HIF1AN: variants seen among roughly 807,000 people sequenced by gnomAD.
The protein encoded by HIF1AN is hypoxia inducible factor 1 subunit alpha inhibitor.
In HIF1AN, 21 loss-of-function variants were observed where a neutral mutation model predicts 47.7. The observed-to-expected ratio is 0.44, with a 90% confidence interval of 0.31 to 0.63. The LOEUF is 0.63. Among genes scored for constraint, HIF1AN ranks in the 30% least tolerant of loss-of-function variants. The pLI is 0.07. For synonymous variants in HIF1AN, 152 were observed against 155.9 expected, an observed-to-expected ratio of 0.98 and a Z score of 0.18; for missense variants, 320 against 432.7, an observed-to-expected ratio of 0.74 and a Z score of 2.31.
intron 1 of HIF1AN, 97 bp from the exon 2 acceptor site, chr10:100,536,314 A>T (rs1443824086): frequency 6.9e-7 from 1 of 1,450,814 alleles, no homozygotes; most frequent in Non-Finnish European, 9.4e-7. Context: ...AGGAGAAATT[A>T]TTCTGAAGTT....
rs995587879 is a variant in HIF1AN, at chr10:100,559,109, A to G, written c.*10972A>G. On this transcript the variant is annotated 3_prime_UTR_variant, in exon 8 of 8. Transcript: ENST00000299163. ...GCCCAGGCTGGAGTACAGTGGTACAATCATTGCTAAGTCTTTCTGTAGTTT... is the reference window on the plus strand; with the variant it reads ...GCCCAGGCTGGAGTACAGTGGTACAGTCATTGCTAAGTCTTTCTGTAGTTT... The G allele has an allele frequency of 6.6e-6, 1 of 152,086 alleles. No individual in the cohort carries two copies. Among genetic ancestry groups the G allele is most frequent in the Non-Finnish European group, 1.5e-5 (1 of 68,022 alleles). The allele number at this position is 152,086 out of a possible 1,614,324, so 9.4% of individuals were successfully genotyped here.
chr10:100,556,559 A>G lies in HIF1AN; in HGVS notation c.*8422A>G. On this transcript the variant is annotated 3_prime_UTR_variant, in exon 8 of 8. Transcript: ENST00000299163. Reference sequence around the variant, plus strand: ...TGCTAGTCTAGAGGTAGGACCATGGATTTAAGAACGTTGCCTCCAAGTTTT... The same window carrying G: ...TGCTAGTCTAGAGGTAGGACCATGGGTTTAAGAACGTTGCCTCCAAGTTTT... 6.6e-6 allele frequency: 1 copy of G among 152,224 alleles called. No individual in the cohort carries two copies. Among genetic ancestry groups the G allele is most frequent in the Non-Finnish European group, 1.5e-5 (1 of 68,050 alleles). The allele number at this position is 152,224 out of a possible 1,614,324, so 9.4% of individuals were successfully genotyped here. A position where few individuals can be genotyped will look rare whatever the true frequency, so the allele number is the denominator to read the frequency against.
At chr10:100,538,453 A>G (rs746051808) in intron 2 of HIF1AN, among the ~76,000 whole-genome samples, 7 of 152,162 alleles carry the variant, frequency 4.6e-5, no homozygotes, top group Non-Finnish European at 8.8e-5. Flanking sequence ...TTGGGTGAAT[A>G]TATAATTATT....
rs1446661323 is a variant in HIF1AN at position 100,548,704 on chromosome 10, G to C, written c.*567G>C. ...GTCAAGCTCTAGGCGGTATGGGAATGGCTACCGGGACTCTAATGGGGTGAA... is the reference window on the plus strand; with the variant it reads ...GTCAAGCTCTAGGCGGTATGGGAATCGCTACCGGGACTCTAATGGGGTGAA... On this transcript the variant is annotated 3_prime_UTR_variant, in exon 8 of 8. Transcript: ENST00000299163. 1.9e-4 allele frequency: 29 copies of C among 152,980 alleles called. No individual in the cohort carries two copies. Among genetic ancestry groups the C allele is most frequent in the Non-Finnish European group, 2.9e-5 (2 of 68,376 alleles). 9.5% of individuals were successfully genotyped at this position (152,980 alleles called of 1,614,324 possible).
intron 2 of HIF1AN, among the ~76,000 whole-genome samples, chr10:100,537,617 G>A (rs1290081656): frequency 1.3e-5 from 2 of 152,208 alleles, no homozygotes; most frequent in African/African-American, 2.4e-5. Context: ...TATGAGGACA[G>A]CCTCTTATGT....
intron 7 of HIF1AN, 121 bp from the exon 8 acceptor site, chr10:100,547,972 A>G: frequency 1.1e-6 from 1 of 881,686 alleles, no homozygotes; most frequent in Non-Finnish European, 1.9e-6. Flanking sequence ...AGGATTCACA[A>G]GATTGTATGA....
In HIF1AN at chr10:100,556,893, A is replaced by C. The variant is rs751308608; in HGVS notation, c.*8756A>C. The stretch of plus-strand genomic sequence containing the variant: ...GGAAAATGTTTTATTATGAAGACCA[A>C]GTGTCTCTGAAAAGTGTTTCCTTAG... On this transcript the variant is annotated 3_prime_UTR_variant, in exon 8 of 8. Transcript: ENST00000299163. 6.6e-6 allele frequency: 1 copy of C among 152,266 alleles called. No individual in the cohort carries two copies. The highest frequency in any genetic ancestry group is 6.5e-5 in the Admixed American group (1 of 15,290). 9.4% of individuals were successfully genotyped at this position (152,266 alleles called of 1,614,324 possible). A position where few individuals can be genotyped will look rare whatever the true frequency, so the allele number is the denominator to read the frequency against.
At chr10:100,547,510 C>A (rs958592565) in intron 7 of HIF1AN, among the ~76,000 whole-genome samples, 1 of 152,104 alleles carries the variant, frequency 6.6e-6, no homozygotes, top group Non-Finnish European at 1.5e-5. Flanking sequence ...GGGGATTCTT[C>A]TGGAACAGGA....
rs187567570 is a variant in HIF1AN at position 100,543,720 on chromosome 10, C to T, written c.578-1231C>T. Among the ~76,000 whole-genome samples the T allele has an allele frequency of 5.0e-3, 762 of 152,248 alleles. 5 individuals are homozygous for T. Among genetic ancestry groups the T allele is most frequent in the African/African-American group, 0.017 (701 of 41,528 alleles). On this transcript the variant is annotated intron_variant, in intron 3 of 7. Transcript: ENST00000299163. ...CCAAGTAGCTGGGACTGTAGGCGCC[C>T]GCCACCACGCCCGGCTAATTGTTTT...
chr10:100,544,861 G>A (rs1443784301), intron 3 of HIF1AN, 90 bp from the exon 4 acceptor site: 2 of 1,251,706 alleles, frequency 1.6e-6, no homozygotes, highest in African/African-American at 3.0e-5. Context: ...TGGGAGGGCA[G>A]GCTGGGTTTC....
In HIF1AN at chr10:100,556,750, G is replaced by A. The variant is rs1256357961; in HGVS notation, c.*8613G>A. The A allele has an allele frequency of 6.6e-6, 1 of 152,226 alleles. No individual in the cohort carries two copies. The highest frequency in any genetic ancestry group is 1.5e-5 in the Non-Finnish European group (1 of 68,056). The allele number at this position is 152,226 out of a possible 1,614,324, so 9.4% of individuals were successfully genotyped here. A position where few individuals can be genotyped will look rare whatever the true frequency, so the allele number is the denominator to read the frequency against. ...ACTAGCTAATTCTAACCTTAGGTAA[G>A]TCAGTGTCTCTGGGTCTCAACCTCT... On this transcript the variant is annotated 3_prime_UTR_variant, in exon 8 of 8. Transcript: ENST00000299163.
At position 100,551,577 on chromosome 10, in the gene HIF1AN, GATAGAA is replaced by G. The variant is rs761802601; in HGVS notation, c.*3446_*3451del. 4.6e-5 allele frequency: 7 copies of G among 152,226 alleles called. No homozygotes were observed. The highest frequency in any genetic ancestry group is 8.8e-5 in the Non-Finnish European group (6 of 68,038). 9.4% of individuals were successfully genotyped at this position (152,226 alleles called of 1,614,324 possible). On this transcript the variant is annotated 3_prime_UTR_variant, in exon 8 of 8. Transcript: ENST00000299163. ...ACATCTTTGGGCATGAGCCAACAAA[GATAGAA>G]ATAGATGAGTGTCAGGTACAAGCTA...
At position 100,552,395 on chromosome 10, in the gene HIF1AN, T is replaced by C. The variant is rs1271095643; in HGVS notation, c.*4258T>C. On this transcript the variant is annotated 3_prime_UTR_variant, in exon 8 of 8. Coordinates refer to ENST00000299163, the MANE Select transcript of HIF1AN (RefSeq NM_017902.3). ...TAGCAGGGGCTGCAGGGAATGACCC[T>C]CAGGGACCAGTTTCACCCAGATGGG... The C allele has an allele frequency of 6.6e-6, 1 of 152,228 alleles. No homozygotes were observed. Among genetic ancestry groups the C allele is most frequent in the African/African-American group, 2.4e-5 (1 of 41,448 alleles). 9.4% of individuals were successfully genotyped at this position (152,228 alleles called of 1,614,324 possible).
chr10:100,547,888 G>A (rs144590990), intron 7 of HIF1AN, among the ~76,000 whole-genome samples: 1 of 152,206 alleles, frequency 6.6e-6, no homozygotes, highest in East Asian at 1.9e-4. Flanking sequence ...AAGAATAATA[G>A]TACAAGATGG....
chr10:100,556,723 C>T lies in HIF1AN; in HGVS notation c.*8586C>T, dbSNP rs1267317334. The stretch of plus-strand genomic sequence containing the variant: ...ACTCCTGGGTTTGAATCACCATTTG[C>T]CACTAGCTAATTCTAACCTTAGGTA... On this transcript the variant is annotated 3_prime_UTR_variant, in exon 8 of 8. Transcript: ENST00000299163. 1 of 152,214 alleles carries T rather than the reference C, an allele frequency of 6.6e-6. No individual in the cohort carries two copies. The highest frequency in any genetic ancestry group is 2.4e-5 in the African/African-American group (1 of 41,448). The allele number at this position is 152,214 out of a possible 1,614,324, so 9.4% of individuals were successfully genotyped here. A position where few individuals can be genotyped will look rare whatever the true frequency, so the allele number is the denominator to read the frequency against.
rs1195156920 is a variant in HIF1AN at position 100,550,344 on chromosome 10, G to A, written c.*2207G>A. The A allele has an allele frequency of 6.6e-6, 1 of 152,176 alleles. No individual in the cohort carries two copies. The highest frequency in any genetic ancestry group is 2.4e-5 in the African/African-American group (1 of 41,422). The allele number at this position is 152,176 out of a possible 1,614,324, so 9.4% of individuals were successfully genotyped here. ...TTTTTAGACACCTAATATGTGCCTA[G>A]TGCTTTTCTCTTTGTTCCTCACTAT... On this transcript the variant is annotated 3_prime_UTR_variant, in exon 8 of 8. Transcript: ENST00000299163.
chr10:100,547,639 G>A (rs747812869), intron 7 of HIF1AN, among the ~76,000 whole-genome samples: 1 of 152,148 alleles, frequency 6.6e-6, no homozygotes, highest in African/African-American at 2.4e-5. Context: ...AATGGGGGAG[G>A]TTTGTATTTG....
chr10:100,544,353 G>C (rs1183810078), intron 3 of HIF1AN, among the ~76,000 whole-genome samples: 1 of 152,196 alleles, frequency 6.6e-6, no homozygotes, highest in Non-Finnish European at 1.5e-5. Context: ...GAGGTGGACA[G>C]GTCACTTGAG....
At chr10:100,547,028 C>T in intron 6 of HIF1AN, 112 bp from the exon 7 acceptor site, 1 of 770,724 alleles carries the variant, frequency 1.3e-6, no homozygotes, top group Non-Finnish European at 2.1e-6. Flanking sequence ...GCCTGAGTCA[C>T]CGTGCCCGGC....
Sources: allele counts gnomAD v4.1 joint callset (sites outside exome capture counted in the v4.1 genomes callset), GRCh38; gene constraint gnomAD v4.1.1; transcripts MANE v1.5; gene names NCBI Gene and HGNC (gene_info 2026-07-23, HGNC 2026-07-21).